ALOXE3: variants seen among roughly 807,000 people sequenced by gnomAD.
ALOXE3 encodes arachidonate epidermal lipoxygenase 3.
ALOXE3 carries 78 observed loss-of-function variants against 87.5 expected under a neutral mutation model. The observed-to-expected ratio is 0.89, with a 90% confidence interval of 0.74 to 1.08. The LOEUF (loss-of-function observed/expected upper bound fraction) is 1.08, where lower values mean the gene tolerates loss of function less well. Among genes scored for constraint, ALOXE3 ranks in the 50% least tolerant of loss-of-function variants. The pLI is 0.00. For missense variants in ALOXE3, 946 were observed against 912.4 expected (o/e 1.04, Z -0.47); for synonymous variants, 363 against 370.8 (o/e 0.98, Z 0.24).
chr17:8,116,896 G>A lies in ALOXE3; in HGVS notation c.232C>T (p.Arg78Cys), dbSNP rs749219179. 6.9e-5 allele frequency: 111 copies of A among 1,614,126 alleles called. 1 individual carries two copies. The highest frequency in any genetic ancestry group is 8.7e-5 in the Non-Finnish European group (103 of 1,180,050). ...CGGCTACAGTACCAAGAGTCCTTGC[G>A]GAAGAAAGCGTAGCGCTCCTTGTGT... ...RVHKERYAFF[R>C]KDSWYCSRIC... Residue 78 changes from arginine to cysteine, a missense_variant, in exon 3 of 16, where the codon CGC (arginine) becomes TGC (cysteine). Arg to Cys is a radical substitution (Grantham distance 180). Transcript: ENST00000448843.
Position 8,116,991 on chromosome 17 carries a change from C to A in ALOXE3, c.148-11G>T, listed in dbSNP as rs114372253. The A allele has an allele frequency of 1.9e-6, 3 of 1,612,004 alleles. No homozygotes were observed. The highest frequency in any genetic ancestry group is 1.3e-5 in the African/African-American group (1 of 75,020). On this transcript the variant is annotated splice_polypyrimidine_tract_variant and intron_variant, in intron 2 of 15. Coordinates refer to ENST00000448843, the MANE Select transcript of ALOXE3 (RefSeq NM_021628.3). ...CTTGTACTTCTGTACCTGAGGGGAC[C>A]AAGACAGCAAGCAGGTGAGAGGCGG...
chr17:8,108,737 G>T (rs1979728831), intron 12 of ALOXE3, 148 bp from the exon 13 acceptor site: 3 of 1,238,080 alleles, frequency 2.4e-6, no homozygotes, highest in Non-Finnish European at 3.4e-6. Context: ...AATCTGAGTG[G>T]CCGGGCTTCC....
Position 8,108,061 on chromosome 17 carries a change from AAG to A in ALOXE3, c.1684+405_1684+406del, listed in dbSNP as rs1383751588. Among the ~76,000 whole-genome samples, 2 of 149,212 alleles carry A rather than the reference AAG, an allele frequency of 1.3e-5. 1 individual carries two copies. The highest frequency in any genetic ancestry group is 5.0e-5 in the African/African-American group (2 of 40,230). On this transcript the variant is annotated intron_variant, in intron 13 of 15. Transcript: ENST00000448843. Reference sequence around the variant, plus strand: ...AAAGAAAGAAAGAAAGAAAGAAAGAAAGAAAGGAAGAGAGGTTGGTGGCTGGA... The same window carrying A: ...AAAGAAAGAAAGAAAGAAAGAAAGAAAAAGGAAGAGAGGTTGGTGGCTGGA...
chr17:8,104,142 G>A lies in ALOXE3; in HGVS notation c.1758C>T (p.Ala586=), dbSNP rs757969328. Reference sequence around the variant, plus strand: ...GCCCACTGTTGACAGCAGCGTGCTGGGCAGAGCAATTGAAGATGATTGCAG... The same window carrying A: ...GCCCACTGTTGACAGCAGCGTGCTGAGCAGAGCAATTGAAGATGATTGCAG... The part of the protein sequence containing the change: ...FLTAIIFNCS[A]QHAAVNSGQH... The change falls in exon 14 of 16, where the codon GCC becomes GCT. Residue 586 remains alanine, a synonymous_variant. Transcript: ENST00000448843. 1 of 1,613,924 alleles carries A rather than the reference G, an allele frequency of 6.2e-7. No homozygotes were observed. The highest frequency in any genetic ancestry group is 1.1e-5 in the South Asian group (1 of 91,066).
At chr17:8,099,858 C>T (rs539160524) in intron 15 of ALOXE3, among the ~76,000 whole-genome samples, 1 of 151,988 alleles carries the variant, frequency 6.6e-6, no homozygotes, top group South Asian at 2.1e-4. Context: ...TCACTTTAGC[C>T]CAGGAGTTCA....
chr17:8,112,097 C>T lies in ALOXE3; in HGVS notation c.780G>A (p.Thr260=), dbSNP rs148293767. 1.1e-4 allele frequency: 179 copies of T among 1,613,698 alleles called. No homozygotes were observed. The highest frequency in any genetic ancestry group is 1.4e-4 in the Non-Finnish European group (166 of 1,179,748). Residue 260 remains threonine (T), a synonymous_variant, in exon 7 of 16, where the codon ACG becomes ACA. Transcript: ENST00000448843. ...CTCCTGCCTGGCTCTGCTCACTTGT[C>T]GTGAAGGTCTTATGGCACCAGAAGA... ...QNIFWCHKTF[T]TKYVTEHWCE...
intron 13 of ALOXE3, 130 bp downstream of exon 13, chr17:8,108,338 T>G: frequency 7.2e-7 from 1 of 1,392,916 alleles, no homozygotes; most frequent in Non-Finnish European, 9.7e-7. Flanking sequence ...TCTTTCCATA[T>G]CTGCTAGTTG....
At position 8,110,300 on chromosome 17, in the gene ALOXE3, G is replaced by A; in HGVS notation, c.1102-5C>T. On this transcript the variant is annotated splice_polypyrimidine_tract_variant and splice_region_variant and intron_variant, in intron 9 of 15. Coordinates refer to ENST00000448843, the MANE Select transcript of ALOXE3 (RefSeq NM_021628.3). ...AGGCCCGGGGGTCTGGCTGAGCTGC[G>A]TCCGAAAGGAACGAGGGATGATGGG... 10 of 1,613,772 alleles carry A rather than the reference G, an allele frequency of 6.2e-6. No homozygotes were observed. Among genetic ancestry groups the A allele is most frequent in the Non-Finnish European group, 8.5e-6 (10 of 1,179,722 alleles).
Position 8,096,795 on chromosome 17 carries a change from G to A in ALOXE3, c.1968C>T (p.Gly656=). The A allele has an allele frequency of 6.2e-7, 1 of 1,614,140 alleles. No individual in the cohort carries two copies. The highest frequency in any genetic ancestry group is 8.5e-7 in the Non-Finnish European group (1 of 1,180,034). The part of the protein sequence containing the change: ...SQEPKDQRPL[G]TYPDEHFTEE... Reference sequence around the variant, plus strand: ...CTGTGAAGTGCTCATCTGGGTAGGTGCCCAGGGGCCTCTGGGAGGACATCA... The same window carrying A: ...CTGTGAAGTGCTCATCTGGGTAGGTACCCAGGGGCCTCTGGGAGGACATCA... Residue 656 remains glycine, a synonymous_variant, in exon 16 of 16, where the codon GGC becomes GGT. Transcript: ENST00000448843.
At chr17:8,107,889 GAA>G (rs1390006496) in intron 13 of ALOXE3, among the ~76,000 whole-genome samples, 1 of 4,372 alleles carries the variant, frequency 2.3e-4, no homozygotes, top group African/African-American at 9.4e-4. Context: ...AAGAAAGAAA[GAA>G]AGAAAGAAAG....
intron 5 of ALOXE3, 76 bp downstream of exon 5, chr17:8,114,862 G>A: frequency 6.3e-7 from 1 of 1,596,780 alleles, no homozygotes; most frequent in South Asian, 1.1e-5. Context: ...CTCCTTCCTG[G>A]CTATCAGGAC....
Position 8,109,268 on chromosome 17 carries a change from A to G in ALOXE3, c.1468T>C (p.Cys490Arg), listed in dbSNP as rs1288782329. Residue 490 changes from cysteine (C) to arginine (R), a missense_variant, in exon 12 of 16, where the codon TGC (cysteine) becomes CGC (arginine). Cys to Arg is a radical substitution (Grantham distance 180). Coordinates refer to ENST00000448843, the MANE Select transcript of ALOXE3 (RefSeq NM_021628.3). ...CGGGCCCGCAGGCTGTCCGGAAGGC[A>G]GAAATTGGTGTAGGTGAAGTGGGCC... ...GLAHFTYTNF[C>R]LPDSLRARGV... The G allele has an allele frequency of 6.2e-7, 1 of 1,614,020 alleles. No individual in the cohort carries two copies. The highest frequency in any genetic ancestry group is 8.5e-7 in the Non-Finnish European group (1 of 1,180,040).
At chr17:8,116,709 T>G in intron 3 of ALOXE3, 67 bp downstream of exon 3, 2 of 1,536,950 alleles carry the variant, frequency 1.3e-6, no homozygotes, top group Non-Finnish European at 1.8e-6. Context: ...TGGGGCTCTG[T>G]GAGACCCCAC....
At position 8,096,579 on chromosome 17, in the gene ALOXE3, T is replaced by C; in HGVS notation, c.*48A>G. ...TCTGGAGGACCTGAGGAACTGGTCCTCCTCATGCTTGGACCTTTCTTTCTT... is the reference window on the plus strand; with the variant it reads ...TCTGGAGGACCTGAGGAACTGGTCCCCCTCATGCTTGGACCTTTCTTTCTT... On this transcript the variant is annotated 3_prime_UTR_variant, in exon 16 of 16. Transcript: ENST00000448843. 1 of 902,474 alleles carries C rather than the reference T, an allele frequency of 1.1e-6. No homozygotes were observed. Among genetic ancestry groups the C allele is most frequent in the Non-Finnish European group, 1.9e-6 (1 of 529,890 alleles). 55.9% of individuals were successfully genotyped at this position (902,474 alleles called of 1,614,324 possible).
chr17:8,114,513 C>G lies in ALOXE3; in HGVS notation c.651G>C (p.Thr217=), dbSNP rs772642745. ...GGATGGCATTGAAGAGCAGCGAGAT[C>G]GTCTTGGTGGCTGAGTATCGAACAT... ...EPNVRYSATK[T]ISLLFNAIPA... is the part of the protein sequence containing the mutation. Residue 217 remains threonine, a synonymous_variant, in exon 6 of 16, where the codon ACG becomes ACC. Transcript: ENST00000448843. 1 of 1,613,790 alleles carries G rather than the reference C, an allele frequency of 6.2e-7. No homozygotes were observed. The highest frequency in any genetic ancestry group is 1.3e-5 in the African/African-American group (1 of 74,782).
chr17:8,104,702 G>C (rs768856473), intron 13 of ALOXE3, among the ~76,000 whole-genome samples: 1 of 152,226 alleles, frequency 6.6e-6, no homozygotes, highest in Non-Finnish European at 1.5e-5. Flanking sequence ...GGCTCTTTGA[G>C]GAGAGGGCAA....
chr17:8,105,230 G>A (rs1303152083), intron 13 of ALOXE3, among the ~76,000 whole-genome samples: 2 of 152,116 alleles, frequency 1.3e-5, no homozygotes, highest in Non-Finnish European at 2.9e-5. Context: ...CTCCAGCTGT[G>A]CAGGCCTTCC....
intron 15 of ALOXE3, among the ~76,000 whole-genome samples, chr17:8,098,737 T>G (rs945351430): frequency 1.3e-5 from 2 of 152,226 alleles, no homozygotes; most frequent in African/African-American, 4.8e-5. Flanking sequence ...CTTTCATTCC[T>G]AGAATAAATT....
At position 8,103,381 on chromosome 17, in the gene ALOXE3, T is replaced by C. The variant is rs767998571; in HGVS notation, c.1898A>G (p.Asn633Ser). 2 of 1,614,006 alleles carry C rather than the reference T, an allele frequency of 1.2e-6. No homozygotes were observed. The highest frequency in any genetic ancestry group is 2.7e-5 in the African/African-American group (2 of 74,904). ...KTYLDTLPEV[N>S]ISCNNLLLFW... ...GAGGAGGAGGTTGTTACAGCTGATG[T>C]TCACTTCAGGGAGGGTGTCTAGGTA... Residue 633 changes from asparagine (N) to serine (S), a missense_variant, in exon 15 of 16, where the codon AAC becomes AGC. Coordinates refer to ENST00000448843, the MANE Select transcript of ALOXE3 (RefSeq NM_021628.3).
Sources: gnomAD v4.1 joint callset for allele counts (sites outside exome capture counted in the v4.1 genomes callset) on GRCh38, gnomAD v4.1.1 for gene constraint, MANE v1.5 for transcripts, NCBI Gene and HGNC (gene_info 2026-07-23, HGNC 2026-07-21) for gene names.